MCPH1: variants seen among roughly 807,000 people sequenced by gnomAD.
The protein encoded by MCPH1 is microcephalin.
Under a neutral mutation model 84.5 loss-of-function variants are expected in MCPH1, and 104 were observed. The observed-to-expected ratio is 1.23, with a 90% CI of 1.05 to 1.45. The LOEUF is 1.45. MCPH1 is among the 40% of genes most tolerant of loss of function. MCPH1 has a pLI of 0.00. For missense variants in MCPH1, 1,498 were observed against 1,005.7 expected (o/e 1.49, Z -6.62); for synonymous variants, 514 against 366.8 (o/e 1.40, Z -4.58).
intron 9 of MCPH1, among the ~76,000 whole-genome samples, chr8:6,459,220 C>T (rs931632189): frequency 6.6e-6 from 1 of 152,040 alleles, no homozygotes; most frequent in African/African-American, 2.4e-5. Flanking sequence ...TATTTTGTTC[C>T]TTGTTAGATT....
At chr8:6,554,691 G>A (rs1824280409) in intron 12 of MCPH1, among the ~76,000 whole-genome samples, 1 of 152,216 alleles carries the variant, frequency 6.6e-6, no homozygotes, top group South Asian at 2.1e-4. Context: ...CATGTGGAAA[G>A]TTGCTCAGAG....
Position 6,436,229 on chromosome 8 carries a change from G to T in MCPH1, c.436+67G>T, listed in dbSNP as rs149328052. 1,120 of 1,511,708 alleles carry T rather than the reference G, an allele frequency of 7.4e-4. 11 individuals carry two copies. In the East Asian group the frequency reaches 0.02, roughly 27 times the overall value. The allele number at this position is 1,511,708 out of a possible 1,614,324, so 93.6% of individuals were successfully genotyped here. A position where few individuals can be genotyped will look rare whatever the true frequency, so the allele number is the denominator to read the frequency against. ...ATACACCTTGTTTAATTTGCATGAT[G>T]ACTAGTGGGGTTCAGCATGAGAGAG... On this transcript the variant is annotated intron_variant, in intron 5 of 13. Transcript: ENST00000344683.
At chr8:6,586,518 G>A (rs73509265) in intron 12 of MCPH1, among the ~76,000 whole-genome samples, 2,354 of 152,288 alleles carry the variant, frequency 0.015, 67 homozygotes, top group African/African-American at 0.053. Flanking sequence ...ATGTGGAGGA[G>A]ACCGCCCTTC....
At chr8:6,594,746 C>T (rs575479636) in intron 12 of MCPH1, among the ~76,000 whole-genome samples, 1 of 148,478 alleles carries the variant, frequency 6.7e-6, no homozygotes, top group Non-Finnish European at 1.5e-5. Flanking sequence ...TGGCCTGTCA[C>T]TTGCCATCTC....
chr8:6,536,716 A>G (rs1820569496), intron 12 of MCPH1, among the ~76,000 whole-genome samples: 1 of 152,208 alleles, frequency 6.6e-6, no homozygotes, highest in South Asian at 2.1e-4. Flanking sequence ...GCCTTTCCAT[A>G]AATCACCACG....
At chr8:6,461,838 T>G (rs1806331254) in intron 9 of MCPH1, among the ~76,000 whole-genome samples, 1 of 152,252 alleles carries the variant, frequency 6.6e-6, no homozygotes, top group Non-Finnish European at 1.5e-5. Flanking sequence ...AAGCTATGTA[T>G]AGATACCAGC....
intron 6 of MCPH1, among the ~76,000 whole-genome samples, chr8:6,441,693 A>G (rs200259348): frequency 1.3e-5 from 2 of 152,218 alleles, no homozygotes; most frequent in East Asian, 3.8e-4. Flanking sequence ...CACTAACACT[A>G]GCAGTGTACC....
At chr8:6,560,077 C>A (rs1458218757) in intron 12 of MCPH1, among the ~76,000 whole-genome samples, 3 of 152,188 alleles carry the variant, frequency 2.0e-5, no homozygotes, top group African/African-American at 7.2e-5. Flanking sequence ...TATTTATTTG[C>A]CCTAAAATGA....
intron 12 of MCPH1, chr8:6,618,871 C>T (rs925521565): frequency 1.3e-5 from 2 of 152,330 alleles, no homozygotes; most frequent in East Asian, 3.9e-4. Context: ...GGACCCAAGG[C>T]TTTCCGCCTT....
chr8:6,416,830 T>C (rs1468291021), intron 3 of MCPH1, among the ~76,000 whole-genome samples: 4 of 147,946 alleles, frequency 2.7e-5, no homozygotes, highest in Non-Finnish European at 6.0e-5. Flanking sequence ...CCTATCTCTA[T>C]TAAAAATACA....
intron 3 of MCPH1, among the ~76,000 whole-genome samples, chr8:6,429,989 G>A (rs949724840): frequency 6.6e-6 from 1 of 152,146 alleles, no homozygotes; most frequent in East Asian, 1.9e-4. Flanking sequence ...CATTCACTCA[G>A]TCATACAAAT....
chr8:6,463,595 A>G (rs1005988113), intron 9 of MCPH1, among the ~76,000 whole-genome samples: 3 of 152,156 alleles, frequency 2.0e-5, no homozygotes, highest in Non-Finnish European at 2.9e-5. Context: ...TAAAAAGAGT[A>G]CTAGATGCCC....
intron 3 of MCPH1, among the ~76,000 whole-genome samples, chr8:6,424,450 C>T (rs970445420): frequency 4.6e-5 from 7 of 152,140 alleles, no homozygotes; most frequent in South Asian, 4.1e-4. Context: ...GGGCTTACCA[C>T]GGCTCCTTTC....
At chr8:6,487,206 C>T (rs956033448) in intron 11 of MCPH1, among the ~76,000 whole-genome samples, 25 of 152,156 alleles carry the variant, frequency 1.6e-4, no homozygotes, top group Admixed American at 8.5e-4. Context: ...ATGTCAAGGC[C>T]GCTAACTATC....
At chr8:6,575,024 C>T (rs1826954934) in intron 12 of MCPH1, among the ~76,000 whole-genome samples, 1 of 152,156 alleles carries the variant, frequency 6.6e-6, no homozygotes. Flanking sequence ...CTGGCAGCTG[C>T]ACAGATAGGA....
At chr8:6,497,941 T>C (rs1811449172) in intron 11 of MCPH1, among the ~76,000 whole-genome samples, 1 of 152,174 alleles carries the variant, frequency 6.6e-6, no homozygotes, top group South Asian at 2.1e-4. Flanking sequence ...CCTTACAAGT[T>C]TGTTCAAAGA....
intron 13 of MCPH1, among the ~76,000 whole-genome samples, chr8:6,633,742 G>T (rs1026451598): frequency 6.6e-6 from 1 of 152,144 alleles, no homozygotes; most frequent in Non-Finnish European, 1.5e-5. Context: ...ACCCAACGCA[G>T]ATTCCCCACG....
At chr8:6,457,074 A>G (rs896939716) in intron 9 of MCPH1, among the ~76,000 whole-genome samples, 1 of 152,230 alleles carries the variant, frequency 6.6e-6, no homozygotes, top group South Asian at 2.1e-4. Context: ...GAGACAAAAT[A>G]CACAATTACA....
chr8:6,501,637 C>T (rs1812208570), intron 12 of MCPH1: 1 of 150,792 alleles, frequency 6.6e-6, no homozygotes, highest in African/African-American at 2.4e-5. Context: ...TCACTGCAAC[C>T]TCTACCTCCC....
Sources: allele counts gnomAD v4.1 joint callset (sites outside exome capture counted in the v4.1 genomes callset), GRCh38; gene constraint gnomAD v4.1.1; transcripts MANE v1.5; gene names NCBI Gene and HGNC (gene_info 2026-07-23, HGNC 2026-07-21).